The following GRIN2A variants were observed in gnomAD, a reference collection of about 807,000 sequenced individuals.
GRIN2A encodes the protein glutamate receptor ionotropic, NMDA 2A.
A neutral mutation model predicts 113.4 loss-of-function variants in GRIN2A; 22 were observed. The observed-to-expected ratio is 0.19, with a 90% confidence interval of 0.14 to 0.28. The LOEUF (loss-of-function observed/expected upper bound fraction) is 0.28. GRIN2A is among the 10% of genes least tolerant of loss of function. The pLI is 1.00. For synonymous variants in GRIN2A, 827 were observed against 738.4 expected (o/e 1.12, Z -1.94); for missense variants, 1,502 against 1,887.0 (o/e 0.80, Z 3.78).
chr16:9,946,165 C>G (rs772897991), intron 2 of GRIN2A, among the ~76,000 whole-genome samples: 8 of 152,142 alleles, frequency 5.3e-5, no homozygotes, highest in Non-Finnish European at 1.0e-4. Flanking sequence ...GATTCAGACC[C>G]TTATTGTTAT....
chr16:9,999,601 G>A (rs532249832), intron 2 of GRIN2A, among the ~76,000 whole-genome samples: 1 of 152,088 alleles, frequency 6.6e-6, no homozygotes, highest in Non-Finnish European at 1.5e-5. Context: ...GGGGTTGGGG[G>A]CTAGGGGAGG....
At chr16:9,955,203 G>C (rs1240998705) in intron 2 of GRIN2A, among the ~76,000 whole-genome samples, 2 of 152,170 alleles carry the variant, frequency 1.3e-5, no homozygotes, top group African/African-American at 4.8e-5. Context: ...CACATGGCCT[G>C]TGGATACCAA....
chr16:9,761,657 G>T lies in GRIN2A; in HGVS notation c.*1492C>A, dbSNP rs1268948125. 1.3e-5 allele frequency: 3 copies of T among 228,320 alleles called. No individual in the cohort carries two copies. Among genetic ancestry groups the T allele is most frequent in the African/African-American group, 4.4e-5 (2 of 45,036 alleles). 14.1% of individuals were successfully genotyped at this position (228,320 alleles called of 1,614,324 possible). On this transcript the variant is annotated 3_prime_UTR_variant, in exon 13 of 13. Transcript: ENST00000330684. ...TCTTGTCGGGGGCACTTGTTTTTGT[G>T]GCAGGCACTGTGCTAACAGGCTCCC...
At chr16:9,777,942 G>C (rs1901704106) in intron 11 of GRIN2A, among the ~76,000 whole-genome samples, 1 of 152,202 alleles carries the variant, frequency 6.6e-6, no homozygotes, top group South Asian at 2.1e-4. Flanking sequence ...GTGGGCGCCT[G>C]TAATCCCAGC....
intron 2 of GRIN2A, among the ~76,000 whole-genome samples, chr16:9,960,114 A>T (rs1420721556): frequency 2.0e-5 from 3 of 152,216 alleles, no homozygotes; most frequent in Non-Finnish European, 4.4e-5. Context: ...AGATAGTAGA[A>T]CCTAGTAGTA....
intron 2 of GRIN2A, among the ~76,000 whole-genome samples, chr16:10,076,194 T>C (rs61686802): frequency 0.14 from 21,221 of 152,176 alleles, 1,989 homozygotes; most frequent in African/African-American, 0.27. Context: ...GGCCTTCCTC[T>C]GAGTCACTGG....
intron 2 of GRIN2A, among the ~76,000 whole-genome samples, chr16:10,044,867 A>G (rs2047231723): frequency 6.6e-6 from 1 of 152,112 alleles, no homozygotes; most frequent in South Asian, 2.1e-4. Context: ...ATCACAGGGT[A>G]CAAGGCGAGC....
chr16:10,151,997 C>A (rs532675217), intron 2 of GRIN2A, among the ~76,000 whole-genome samples: 116 of 152,314 alleles, frequency 7.6e-4, no homozygotes, highest in Non-Finnish European at 2.6e-4. Context: ...AGCACCATGT[C>A]TACAGAGATG....
intron 11 of GRIN2A, among the ~76,000 whole-genome samples, chr16:9,776,297 G>C (rs919798974): frequency 1.4e-5 from 1 of 72,388 alleles, no homozygotes; most frequent in Non-Finnish European, 2.8e-5. Context: ...TTTTTTTTTT[G>C]TATAGAATTT....
At chr16:9,917,073 G>A (rs2044267502) in intron 3 of GRIN2A, among the ~76,000 whole-genome samples, 1 of 152,130 alleles carries the variant, frequency 6.6e-6, no homozygotes, top group Non-Finnish European at 1.5e-5. Context: ...CAGGGACTTT[G>A]CGCACTCTGC....
chr16:10,078,482 T>C (rs970061801), intron 2 of GRIN2A, among the ~76,000 whole-genome samples: 4 of 12,392 alleles, frequency 3.2e-4, no homozygotes, highest in African/African-American at 3.7e-4. Context: ...AAAAGCAGAG[T>C]CCAGGGGGGA....
At chr16:10,095,749 A>G (rs2048276990) in intron 2 of GRIN2A, among the ~76,000 whole-genome samples, 1 of 152,212 alleles carries the variant, frequency 6.6e-6, no homozygotes, top group Admixed American at 6.5e-5. Flanking sequence ...TACAGTAGAG[A>G]CTGCAGATAC....
chr16:10,047,974 AC>A (rs1208820284), intron 2 of GRIN2A, among the ~76,000 whole-genome samples: 2 of 151,896 alleles, frequency 1.3e-5, no homozygotes, highest in African/African-American at 4.8e-5. Flanking sequence ...CCTGCCTGTG[AC>A]CCCCCTACAT....
chr16:9,994,312 C>G (rs185168482), intron 2 of GRIN2A, among the ~76,000 whole-genome samples: 23 of 152,104 alleles, frequency 1.5e-4, no homozygotes, highest in Non-Finnish European at 2.2e-4. Context: ...GGTTACTTCC[C>G]CCATCTTCTC....
intron 2 of GRIN2A, among the ~76,000 whole-genome samples, chr16:10,000,671 A>C (rs887015116): frequency 1.3e-5 from 2 of 152,184 alleles, no homozygotes; most frequent in Non-Finnish European, 2.9e-5. Flanking sequence ...AAGGAAGACA[A>C]AAAAACAAAG....
intron 5 of GRIN2A, among the ~76,000 whole-genome samples, chr16:9,843,474 T>C (rs2042718755): frequency 6.6e-6 from 1 of 152,150 alleles, no homozygotes; most frequent in African/African-American, 2.4e-5. Context: ...GGATTACAGG[T>C]GTGCGACACC....
At chr16:9,811,133 A>T (rs2042079095) in intron 10 of GRIN2A, among the ~76,000 whole-genome samples, 1 of 152,198 alleles carries the variant, frequency 6.6e-6, no homozygotes, top group Non-Finnish European at 1.5e-5. Context: ...AAGCTGAGCT[A>T]TTCCAAACCT....
At chr16:9,976,694 C>G (rs939012738) in intron 2 of GRIN2A, among the ~76,000 whole-genome samples, 1 of 152,188 alleles carries the variant, frequency 6.6e-6, no homozygotes, top group African/African-American at 2.4e-5. Context: ...AAAGCCGGCA[C>G]TCTAATTCCA....
chr16:9,824,833 G>A (rs1251950773), intron 9 of GRIN2A, among the ~76,000 whole-genome samples: 1 of 151,908 alleles, frequency 6.6e-6, no homozygotes, highest in African/African-American at 2.4e-5. Context: ...TAATTTCATG[G>A]CTCACTAAAG....
Sources: gnomAD v4.1 joint callset for allele counts (sites outside exome capture counted in the v4.1 genomes callset) on GRCh38, gnomAD v4.1.1 for gene constraint, MANE v1.5 for transcripts, NCBI Gene and HGNC (gene_info 2026-07-23, HGNC 2026-07-21) for gene names.